CD36: variants seen among roughly 807,000 people sequenced by gnomAD.
CD36 encodes the protein CD36 molecule (CD36 blood group).
Under a neutral mutation model 55.2 loss-of-function variants are expected in CD36, and 119 were observed. The ratio of observed to expected loss-of-function variants is 2.15; its 90% CI spans 1.86 to 2.51. The LOEUF is 2.51. Among genes scored for constraint, CD36 ranks in the 30% most tolerant of loss-of-function variants. The pLI, the probability that CD36 is intolerant of heterozygous loss-of-function variation, is 0.00. For missense variants in CD36, 819 were observed against 555.5 expected (o/e 1.47, Z -4.77); for synonymous variants, 186 against 193.6 (o/e 0.96, Z 0.33).
At chr7:80,653,146 G>C (rs1223371768) in intron 3 of CD36, among the ~76,000 whole-genome samples, 1 of 152,110 alleles carries the variant, frequency 6.6e-6, no homozygotes, top group Admixed American at 6.6e-5. Flanking sequence ...ATGCTTTAGG[G>C]AAGAAGCCAC....
At chr7:80,661,248 A>G (rs748480777) in intron 5 of CD36, 38 bp downstream of exon 5, 1 of 1,563,684 alleles carries the variant, frequency 6.4e-7, no homozygotes, top group South Asian at 1.1e-5. Context: ...ATTTTAAAAT[A>G]CTCTAGAACT....
intron 1 of CD36, among the ~76,000 whole-genome samples, chr7:80,614,418 A>G (rs1387139863): frequency 6.6e-6 from 1 of 152,148 alleles, no homozygotes; most frequent in Non-Finnish European, 1.5e-5. Context: ...AAGAGAATCT[A>G]TATATATGTT....
At chr7:80,622,213 C>T (rs1345960697) in intron 1 of CD36, among the ~76,000 whole-genome samples, 1 of 152,224 alleles carries the variant, frequency 6.6e-6, no homozygotes, top group African/African-American at 2.4e-5. Flanking sequence ...TCTTCCTCAC[C>T]CTTCAATATT....
chr7:80,661,087 T>TGTAACCCAGGACGCTGAGGACAACAC lies in CD36; in HGVS notation c.307_332dup (p.Val112Ter). 6.2e-7 allele frequency: 1 copy of TGTAACCCAGGACGCTGAGGACAACAC among 1,613,930 alleles called. No individual in the cohort carries two copies. Among genetic ancestry groups the TGTAACCCAGGACGCTGAGGACAACAC allele is most frequent in the Non-Finnish European group, 8.5e-7 (1 of 1,179,820 alleles). On this transcript the variant is annotated frameshift_variant, in exon 5 of 15. Coordinates refer to ENST00000447544, the MANE Select transcript of CD36 (RefSeq NM_001001548.3). LOFTEE classifies it high-confidence loss of function. ...GAGTTCGTTTTCTAGCCAAGGAAAA[T>TGTAACCCAGGACGCTGAGGACAACAC]GTAACCCAGGACGCTGAGGACAACA...
chr7:80,669,698 T>C (rs979492358), intron 8 of CD36, among the ~76,000 whole-genome samples: 2 of 152,144 alleles, frequency 1.3e-5, no homozygotes, highest in South Asian at 4.1e-4. Context: ...GGTTTCACCA[T>C]GTAGGCCAGG....
At chr7:80,608,578 T>C (rs1382476387) in intron 1 of CD36, among the ~76,000 whole-genome samples, 1 of 152,222 alleles carries the variant, frequency 6.6e-6, no homozygotes, top group African/African-American at 2.4e-5. Flanking sequence ...AGTTTTACAA[T>C]AATTTTAAAG....
chr7:80,666,116 A>C, intron 7 of CD36: 1 of 321,296 alleles, frequency 3.1e-6, no homozygotes, highest in Non-Finnish European at 5.9e-6. Context: ...TAATTCATGT[A>C]TCCCATTGGA....
At chr7:80,675,313 C>A (rs1241955220) in intron 14 of CD36, among the ~76,000 whole-genome samples, 1 of 151,472 alleles carries the variant, frequency 6.6e-6, no homozygotes, top group South Asian at 2.1e-4. Flanking sequence ...TGTAATAGAT[C>A]ATCCGCTGAA....
intron 1 of CD36, among the ~76,000 whole-genome samples, chr7:80,645,003 C>T (rs1250092318): frequency 1.4e-5 from 2 of 145,066 alleles, no homozygotes; most frequent in Non-Finnish European, 3.0e-5. Context: ...ATTTCACAAA[C>T]TGTATTCTTT....
intron 14 of CD36, 66 bp downstream of exon 14, chr7:80,674,213 TC>T: frequency 8.4e-7 from 1 of 1,187,444 alleles, no homozygotes; most frequent in Non-Finnish European, 1.2e-6. Flanking sequence ...TTTCACTTTA[TC>T]AAAGAGAAGT....
At chr7:80,607,841 G>A (rs1049825373) in intron 1 of CD36, among the ~76,000 whole-genome samples, 10 of 151,880 alleles carry the variant, frequency 6.6e-5, no homozygotes, top group Non-Finnish European at 1.0e-4. Context: ...GTGCAATTTC[G>A]GCTCACTGCA....
intron 9 of CD36, chr7:80,670,520 G>A: frequency 4.6e-6 from 1 of 216,342 alleles, no homozygotes; most frequent in Non-Finnish European, 9.3e-6. Context: ...ACGTGTATCT[G>A]GGGATAAGAA....
At chr7:80,650,655 CTTAA>C (rs1283947337) in intron 3 of CD36, among the ~76,000 whole-genome samples, 2 of 152,138 alleles carry the variant, frequency 1.3e-5, no homozygotes, top group East Asian at 1.9e-4. Context: ...AATTAAACTT[CTTAA>C]TTGAGAATGA....
intron 1 of CD36, among the ~76,000 whole-genome samples, chr7:80,615,455 G>A (rs1428878554): frequency 1.3e-5 from 2 of 152,040 alleles, no homozygotes; most frequent in African/African-American, 4.8e-5. Context: ...TTTTGCCTCT[G>A]AATTTATGCA....
At position 80,646,841 on chromosome 7, in the gene CD36, T is replaced by C; in HGVS notation, c.101T>C (p.Ile34Thr). ...GILMPVGDLL[I>T]QKTIKKQVVL... ...CTAATGCCAGTTGGAGACCTGCTTA[T>C]CCAGAAGACAATTAAAAAGGTACAA... is the stretch of plus-strand genomic sequence containing the variant. Residue 34 changes from isoleucine to threonine, a missense_variant, in exon 3 of 15, where the codon ATC (isoleucine) becomes ACC (threonine). Coordinates refer to ENST00000447544, the MANE Select transcript of CD36 (RefSeq NM_001001548.3). The C allele has an allele frequency of 6.2e-7, 1 of 1,613,998 alleles. No homozygotes were observed. The highest frequency in any genetic ancestry group is 2.2e-5 in the East Asian group (1 of 44,872).
In CD36 at chr7:80,661,088, G is replaced by A. The variant is rs1383257975; in HGVS notation, c.307G>A (p.Val103Ile). 1 of 1,613,794 alleles carries A rather than the reference G, an allele frequency of 6.2e-7. No individual in the cohort carries two copies. The highest frequency in any genetic ancestry group is 8.5e-7 in the Non-Finnish European group (1 of 1,179,798). The change falls in exon 5 of 15, where the codon GTA becomes ATA. Residue 103 changes from valine to isoleucine, a missense_variant. Transcript: ENST00000447544. ...YRVRFLAKEN[V>I]TQDAEDNTVS... is the part of the protein sequence containing the mutation. ...AGTTCGTTTTCTAGCCAAGGAAAAT[G>A]TAACCCAGGACGCTGAGGACAACAC...
At chr7:80,674,756 A>G (rs3211958) in intron 14 of CD36, among the ~76,000 whole-genome samples, 54,405 of 151,876 alleles carry the variant, frequency 0.36, 10,773 homozygotes, top group Middle Eastern at 0.45. Flanking sequence ...ATCACAGGTA[A>G]CATTGGTGTT....
At chr7:80,624,396 C>T (rs1417446207) in intron 1 of CD36, among the ~76,000 whole-genome samples, 2 of 152,048 alleles carry the variant, frequency 1.3e-5, no homozygotes, top group Non-Finnish European at 2.9e-5. Flanking sequence ...CTGTTTCAAA[C>T]TTTTAAATAA....
intron 1 of CD36, among the ~76,000 whole-genome samples, chr7:80,607,641 A>G (rs1792634834): frequency 6.6e-6 from 1 of 152,120 alleles, no homozygotes; most frequent in South Asian, 2.1e-4. Context: ...CTTCACCTGT[A>G]ATCTGAATGT....
Sources: gnomAD v4.1 joint callset for allele counts (sites outside exome capture counted in the v4.1 genomes callset) on GRCh38, gnomAD v4.1.1 for gene constraint, MANE v1.5 for transcripts, NCBI Gene and HGNC (gene_info 2026-07-23, HGNC 2026-07-21) for gene names.